WNK3: variants seen among roughly 807,000 people sequenced by gnomAD.
WNK3 encodes the protein serine/threonine-protein kinase WNK3.
Under a neutral mutation model 116.7 loss-of-function variants are expected in WNK3, and 18 were observed. The ratio of observed to expected loss-of-function variants is 0.15; its 90% CI spans 0.11 to 0.23. WNK3 has a LOEUF of 0.23. WNK3 is among the 10% of genes least tolerant of loss of function. The pLI, the probability that WNK3 is intolerant of heterozygous loss-of-function variation, is 1.00. For missense variants in WNK3, 993 were observed against 1,323.8 expected (o/e 0.75, Z 3.88); for synonymous variants, 404 against 469.4 (o/e 0.86, Z 1.80).
chrX:54,214,279 G>C (rs2067656767), intron 22 of WNK3, among the ~76,000 whole-genome samples: 1 of 111,239 alleles, frequency 9.0e-6, no homozygotes, highest in African/African-American at 3.3e-5. Flanking sequence ...CACCAAGCCT[G>C]GCCAAAAGTT....
At chrX:54,286,823 G>C (rs2068586295) in intron 10 of WNK3, among the ~76,000 whole-genome samples, 1 of 107,010 alleles carries the variant, frequency 9.3e-6, no homozygotes, top group Non-Finnish European at 1.9e-5. Flanking sequence ...TGAGGCAGGA[G>C]AATCAGTTGA....
intron 10 of WNK3, among the ~76,000 whole-genome samples, chrX:54,280,221 C>T (rs1603389042): frequency 9.1e-6 from 1 of 109,412 alleles, no homozygotes; most frequent in African/African-American, 3.3e-5. Flanking sequence ...CGCTTGAACC[C>T]GGGGAGCGGA....
rs781835721 is a variant in WNK3 at position 54,295,611 on chromosome X, C to T, written c.1399-764G>A. On this transcript the variant is annotated intron_variant, in intron 7 of 23. Transcript: ENST00000354646. ...ACATAACTTAACTTGAAATGAGCTGCTGTAAAAGTCTTAAGTAGGAGCACG... is the reference window on the plus strand; with the variant it reads ...ACATAACTTAACTTGAAATGAGCTGTTGTAAAAGTCTTAAGTAGGAGCACG... 2.7e-5 allele frequency among the ~76,000 whole-genome samples: 3 copies of T among 112,058 alleles called. No homozygotes were observed. In the South Asian group the frequency reaches 1.1e-3, roughly 42 times the overall value.
intron 17 of WNK3, among the ~76,000 whole-genome samples, chrX:54,240,346 G>T (rs1557151299): frequency 9.1e-6 from 1 of 110,247 alleles, no homozygotes; most frequent in African/African-American, 3.3e-5. Flanking sequence ...CTTATGGCAG[G>T]TCAGGACATA....
rs781864619 is a variant in WNK3 at position 54,237,347 on chromosome X, T to C, written c.4219A>G (p.Lys1407Glu). The C allele has an allele frequency of 2.1e-5, 25 of 1,209,424 alleles. No individual in the cohort carries two copies. In the South Asian group the frequency reaches 4.1e-4, roughly 20 times the overall value. ...TGTTTGGGAACTCCTTTATTTTCTT[T>C]ACAGGTTTCCTGAAGAGCTTGTAAC... Residue 1407 changes from lysine to glutamate, a missense_variant, in exon 20 of 24, where the codon AAA (lysine) becomes GAA (glutamate). Coordinates refer to ENST00000354646, the Ensembl canonical transcript of WNK3.
At chrX:54,196,838 C>T (rs2067447990) in exon 24 of WNK3, 1 of 111,491 alleles carries the variant, frequency 9.0e-6, no homozygotes, top group Non-Finnish European at 1.9e-5. Context: ...GGATAAAACC[C>T]AGTAAAGTGC....
At chrX:54,268,884 G>A (rs1569537271) in intron 10 of WNK3, among the ~76,000 whole-genome samples, 4 of 111,562 alleles carry the variant, frequency 3.6e-5, no homozygotes, top group African/African-American at 1.3e-4. Context: ...ACTAGTAAGT[G>A]AAAGGGATAT....
chrX:54,313,344 A>G (rs1350701690), intron 2 of WNK3, among the ~76,000 whole-genome samples: 3 of 101,995 alleles, frequency 2.9e-5, no homozygotes, highest in African/African-American at 1.2e-4. Context: ...ATATTATTCA[A>G]CTCCTCTGTA....
chrX:54,329,846 G>C (rs1557173976), intron 2 of WNK3, among the ~76,000 whole-genome samples: 1 of 111,586 alleles, frequency 9.0e-6, no homozygotes, highest in Non-Finnish European at 1.9e-5. Context: ...GAGTGCTACT[G>C]ATGTCACAAT....
rs375194264 is a variant in WNK3, at chrX:54,234,986, A to G, written c.4628+1952T>C. On this transcript the variant is annotated intron_variant, in intron 20 of 23. Transcript: ENST00000354646. ...ATATAAGTTGACGTATACATAATGT[A>G]ATGTCAAGCCTGTATATATATTTTA... Among the ~76,000 whole-genome samples, 12 of 112,281 alleles carry G rather than the reference A, an allele frequency of 1.1e-4. No homozygotes were observed. The East Asian group carries it at 2.5e-3, about 23-fold the overall frequency.
intron 17 of WNK3, among the ~76,000 whole-genome samples, chrX:54,246,096 C>T (rs781839154): frequency 1.8e-5 from 2 of 112,211 alleles, no homozygotes; most frequent in South Asian, 3.7e-4. Context: ...GTGAAATGCA[C>T]GTTCAGATGC....
At chrX:54,329,033 G>A (rs781839786) in intron 2 of WNK3, among the ~76,000 whole-genome samples, 5 of 111,771 alleles carry the variant, frequency 4.5e-5, no homozygotes, top group East Asian at 2.8e-4. Flanking sequence ...ACTGGAAGCC[G>A]GAAATCAGAA....
At chrX:54,328,161 A>G (rs1363075769) in intron 2 of WNK3, among the ~76,000 whole-genome samples, 3 of 109,606 alleles carry the variant, frequency 2.7e-5, no homozygotes, top group Admixed American at 2.0e-4. Flanking sequence ...TCGCACACAC[A>G]TATAAAAAAA....
chrX:54,208,432 A>G (rs1482044851), intron 22 of WNK3, among the ~76,000 whole-genome samples: 1 of 109,425 alleles, frequency 9.1e-6, no homozygotes, highest in Non-Finnish European at 1.9e-5. Context: ...CCCAATATAT[A>G]CCTTTTTAGA....
At chrX:54,208,840 G>A (rs899408861) in intron 22 of WNK3, among the ~76,000 whole-genome samples, 27 of 111,764 alleles carry the variant, frequency 2.4e-4, no homozygotes, top group African/African-American at 8.1e-4. Context: ...CAGGAGTCTA[G>A]AGAAATTCAT....
rs782613260 is a variant in WNK3 at position 54,202,684 on chromosome X, G to A, written c.4871-491C>T. On this transcript the variant is annotated intron_variant, in intron 22 of 23. Transcript: ENST00000354646. ...CCAGCCTGGGACAGAGCAAGACTCC[G>A]TCTCAAGAAAAAAAAAAAAAAGTTT... is the stretch of plus-strand genomic sequence containing the variant. Among the ~76,000 whole-genome samples, 245 of 100,029 alleles carry A rather than the reference G, an allele frequency of 2.4e-3. 1 individual carries two copies. The highest frequency in any genetic ancestry group is 9.3e-3 in the African/African-American group (226 of 24,399). The allele number at this position is 100,029 out of a possible 115,157, so 86.9% of individuals were successfully genotyped here. A position where few individuals can be genotyped will look rare whatever the true frequency, so the allele number is the denominator to read the frequency against.
intron 6 of WNK3, among the ~76,000 whole-genome samples, chrX:54,299,913 G>A (rs1171616469): frequency 9.0e-6 from 1 of 110,530 alleles, no homozygotes; most frequent in African/African-American, 3.3e-5. Flanking sequence ...AGGCTGGAGT[G>A]CAGTGGCAAG....
Position 54,205,276 on chromosome X carries a change from CA to C in WNK3, c.4871-3084del, listed in dbSNP as rs782349300. Among the ~76,000 whole-genome samples the C allele has an allele frequency of 6.7e-5, 7 of 104,465 alleles. No individual in the cohort carries two copies. In the East Asian group the frequency reaches 2.0e-3, roughly 30 times the overall value. The allele number at this position is 104,465 out of a possible 115,157, so 90.7% of individuals were successfully genotyped here. On this transcript the variant is annotated intron_variant, in intron 22 of 23. Transcript: ENST00000354646. ...CCAACCAACCAACCAACCAAACAAA[CA>C]AACAACAAAAAAAAGAACATTTCTG...
At chrX:54,223,975 T>A (rs2067799111) in intron 22 of WNK3, 2 of 134,496 alleles carry the variant, frequency 1.5e-5, no homozygotes, top group African/African-American at 6.4e-5. Flanking sequence ...ACAGACAGGA[T>A]GAGATCCACT....
Sources: gnomAD v4.1 joint callset for allele counts (sites outside exome capture counted in the v4.1 genomes callset) on GRCh38, gnomAD v4.1.1 for gene constraint, MANE v1.5 for transcripts, NCBI Gene and HGNC (gene_info 2026-07-23, HGNC 2026-07-21) for gene names.